The following YBX3 variants were observed in gnomAD, a reference collection of about 807,000 sequenced individuals.
The protein encoded by YBX3 is Y-box-binding protein 3.
Under a neutral mutation model 42.4 loss-of-function variants are expected in YBX3, and 29 were observed. That is an observed-to-expected ratio of 0.68 (90% CI 0.51 to 0.93). The LOEUF (loss-of-function observed/expected upper bound fraction) is 0.93, where lower values mean the gene tolerates loss of function less well. YBX3 is among the 40% of genes least tolerant of loss of function. The pLI is 0.00. For missense variants in YBX3, 517 were observed against 527.5 expected, an observed-to-expected ratio of 0.98 and a Z score of 0.19; for synonymous variants, 195 against 189.8, an observed-to-expected ratio of 1.03 and a Z score of -0.22.
intron 4 of YBX3, among the ~76,000 whole-genome samples, chr12:10,715,446 T>C (rs1004373134): frequency 2.0e-5 from 3 of 151,848 alleles, no homozygotes; most frequent in African/African-American, 7.3e-5. Context: ...TTAGGGAGAC[T>C]GAGGCAGAGG....
intron 1 of YBX3, among the ~76,000 whole-genome samples, chr12:10,721,116 A>G (rs1313697536): frequency 6.6e-6 from 1 of 152,236 alleles, no homozygotes; most frequent in Non-Finnish European, 1.5e-5. Flanking sequence ...CATCTTAGGC[A>G]TCTATGTGTT....
At chr12:10,718,815 C>T (rs187471972) in intron 2 of YBX3, among the ~76,000 whole-genome samples, 3 of 152,238 alleles carry the variant, frequency 2.0e-5, no homozygotes, top group Admixed American at 1.3e-4. Context: ...CTCATTTATC[C>T]TAAGGCCCTT....
At chr12:10,720,054 T>C (rs376965341) in intron 1 of YBX3, among the ~76,000 whole-genome samples, 1 of 152,144 alleles carries the variant, frequency 6.6e-6, no homozygotes, top group East Asian at 1.9e-4. Context: ...CTGTCTCAAT[T>C]CAGGAAGTGC....
chr12:10,716,027 T>TC (rs1317182510), intron 3 of YBX3: 6 of 467,792 alleles, frequency 1.3e-5, no homozygotes, highest in Non-Finnish European at 2.3e-5. Flanking sequence ...ACATGTTTTT[T>TC]CTATAACTGC....
At chr12:10,715,804 T>A in intron 3 of YBX3, 21 bp from the exon 4 acceptor site, 5 of 1,599,588 alleles carry the variant, frequency 3.1e-6, no homozygotes, top group Non-Finnish European at 4.3e-6. Flanking sequence ...AACAGAAAAT[T>A]TTATTCGATG....
At chr12:10,701,861 A>T in intron 8 of YBX3, 99 bp downstream of exon 8, 2 of 1,347,900 alleles carry the variant, frequency 1.5e-6, no homozygotes, top group Non-Finnish European at 2.0e-6. Flanking sequence ...TATATTTGTT[A>T]AGTGTCAGGT....
intron 1 of YBX3, chr12:10,722,449 G>T (rs1040329575): frequency 1.0e-4 from 16 of 156,616 alleles, no homozygotes; most frequent in African/African-American, 3.8e-4. Flanking sequence ...AGGCCCACGT[G>T]TCGGTCCTTC....
At chr12:10,719,005 G>T in intron 2 of YBX3, 75 bp downstream of exon 2, 1 of 1,399,024 alleles carries the variant, frequency 7.1e-7, no homozygotes, top group Non-Finnish European at 1.0e-6. Flanking sequence ...ATTAATGAAG[G>T]CTAAGGGATT....
In YBX3 at chr12:10,715,625, G is replaced by A. The variant is rs1948252045; in HGVS notation, c.450+69C>T. 2.2e-5 allele frequency: 30 copies of A among 1,343,898 alleles called. No homozygotes were observed. The South Asian group carries it at 2.7e-4, about 12-fold the overall frequency. 83.2% of individuals were successfully genotyped at this position (1,343,898 alleles called of 1,614,324 possible). ...AAGTCATGTCAATTCATAAGGGGCT[G>A]ATAGATAATTTATTGTGCAACAGTA... is the stretch of plus-strand genomic sequence containing the variant. On this transcript the variant is annotated intron_variant, in intron 4 of 9. Transcript: ENST00000228251.
At chr12:10,720,003 T>C (rs1457117834) in intron 1 of YBX3, among the ~76,000 whole-genome samples, 1 of 152,172 alleles carries the variant, frequency 6.6e-6, no homozygotes, top group African/African-American at 2.4e-5. Context: ...ATCTTTGGAA[T>C]CAATTATGAA....
intron 7 of YBX3, 195 bp downstream of exon 7, chr12:10,703,856 C>T (rs566352171): frequency 2.8e-4 from 147 of 527,016 alleles, no homozygotes; most frequent in South Asian, 2.2e-3. Flanking sequence ...GACGCTTTGG[C>T]GCAGAGATAA....
rs1224846544 is a variant in YBX3, at chr12:10,710,003, G to T, written c.685C>A (p.Arg229Ser). Residue 229 changes from arginine (R) to serine (S), a missense_variant, in exon 6 of 10, where the codon CGC becomes AGC. Physicochemically the swap from Arg to Ser is moderately radical, Grantham distance 110. Coordinates refer to ENST00000228251, the MANE Select transcript of YBX3 (RefSeq NM_003651.5). ...AACCGCCGCTGCCGGTACTGAGGGC[G>T]ATACTGGGGGCGGCGCAGCTGATTC... ...ARNQLRRPQY[R>S]PQYRQRRFPP... 4 of 1,612,350 alleles carry T rather than the reference G, an allele frequency of 2.5e-6. No individual in the cohort carries two copies. Among genetic ancestry groups the T allele is most frequent in the Non-Finnish European group, 3.4e-6 (4 of 1,178,282 alleles).
intron 3 of YBX3, among the ~76,000 whole-genome samples, chr12:10,716,676 G>T (rs765078763): frequency 1.2e-4 from 18 of 152,110 alleles, no homozygotes; most frequent in Non-Finnish European, 2.4e-4. Flanking sequence ...TTTATAAAGC[G>T]ATTAAGCATG....
chr12:10,722,737 T>C lies in YBX3; in HGVS notation c.262+113A>G, dbSNP rs756381315. 1.0e-5 allele frequency: 10 copies of C among 985,550 alleles called. No individual in the cohort carries two copies. In the African/African-American group the frequency reaches 1.4e-4, roughly 13 times the overall value. 61.1% of individuals were successfully genotyped at this position (985,550 alleles called of 1,614,324 possible). A position where few individuals can be genotyped will look rare whatever the true frequency, so the allele number is the denominator to read the frequency against. On this transcript the variant is annotated intron_variant, in intron 1 of 9. Transcript: ENST00000228251. ...CCGGAGATCCCTGGGGACCCTGTGC[T>C]GTCAGCGTCTCCAGCCCGGGTGGGA...
chr12:10,711,145 C>T (rs933585659), intron 5 of YBX3: 8 of 152,026 alleles, frequency 5.3e-5, no homozygotes, highest in Non-Finnish European at 1.2e-4. Flanking sequence ...TTTACCGATT[C>T]ATTTTATATT....
At chr12:10,704,418 C>T (rs970257946) in intron 6 of YBX3, 7 of 304,970 alleles carry the variant, frequency 2.3e-5, no homozygotes, top group East Asian at 2.2e-4. Flanking sequence ...ATTTTGAAAT[C>T]GGATACATTT....
intron 4 of YBX3, among the ~76,000 whole-genome samples, chr12:10,714,346 T>C (rs1340337804): frequency 6.6e-6 from 1 of 152,228 alleles, no homozygotes. Flanking sequence ...GCTGCCATGA[T>C]TAGCTGCCAT....
At chr12:10,705,507 G>A (rs1948127685) in intron 6 of YBX3, among the ~76,000 whole-genome samples, 1 of 152,192 alleles carries the variant, frequency 6.6e-6, no homozygotes, top group African/African-American at 2.4e-5. Flanking sequence ...TCCCCAGGGG[G>A]ATGTCACAAA....
chr12:10,704,247 A>C (rs201458406), intron 6 of YBX3, 99 bp from the exon 7 acceptor site: 1 of 451,174 alleles, frequency 2.2e-6, no homozygotes, highest in South Asian at 5.2e-5. Flanking sequence ...AGTAAAAAAC[A>C]AAATGCTTCA....
Sources: allele counts gnomAD v4.1 joint callset (sites outside exome capture counted in the v4.1 genomes callset), GRCh38; gene constraint gnomAD v4.1.1; transcripts MANE v1.5; gene names NCBI Gene and HGNC (gene_info 2026-07-23, HGNC 2026-07-21).